ATPSCKMT: variants seen among roughly 807,000 people sequenced by gnomAD.
The protein encoded by ATPSCKMT is ATP synthase c subunit lysine N-methyltransferase.
In ATPSCKMT, 24 loss-of-function variants were observed where a neutral mutation model predicts 24.3. The ratio of observed to expected loss-of-function variants is 0.99; its 90% confidence interval spans 0.71 to 1.39. The LOEUF (loss-of-function observed/expected upper bound fraction) is 1.39, where lower values mean the gene tolerates loss of function less well. Ranked by LOEUF, ATPSCKMT falls within the 40% of genes most tolerant of loss-of-function variation. ATPSCKMT has a pLI of 0.00. For synonymous variants in ATPSCKMT, 95 were observed against 110.5 expected, an observed-to-expected ratio of 0.86 and a Z score of 0.88; for missense variants, 311 against 298.4, an observed-to-expected ratio of 1.04 and a Z score of -0.31.
At chr5:10,237,693 TGTAAACTGCCCAGTCTCAGG>T in intron 2 of ATPSCKMT, among the ~76,000 whole-genome samples, 2 of 152,184 alleles carry the variant, frequency 1.3e-5, no homozygotes, top group African/African-American at 4.8e-5. Flanking sequence ...CTCTTTCTTT[TGTAAACTGCCCAGTCTCAGG>T]TATGTCTTTA....
chr5:10,239,054 T>C lies in ATPSCKMT; in HGVS notation c.306+13A>G, dbSNP rs1362493674. The stretch of plus-strand genomic sequence containing the variant: ...TCTGGTTTCAAACCTTAAAATGTTT[T>C]AGCAGAACTCACAATGCGTCCGTCC... On this transcript the variant is annotated intron_variant, in intron 2 of 4. Coordinates refer to ENST00000511437, the MANE Select transcript of ATPSCKMT (RefSeq NM_199133.4). The C allele has an allele frequency of 1.9e-6, 3 of 1,608,240 alleles. No homozygotes were observed. The highest frequency in any genetic ancestry group is 1.1e-5 in the South Asian group (1 of 90,394).
chr5:10,238,243 G>C (rs539033274), intron 2 of ATPSCKMT, among the ~76,000 whole-genome samples: 1 of 152,134 alleles, frequency 6.6e-6, no homozygotes, highest in Non-Finnish European at 1.5e-5. Context: ...GGTTAAGATG[G>C]TAAACACTAC....
intron 1 of ATPSCKMT, among the ~76,000 whole-genome samples, chr5:10,240,788 G>A (rs1170827822): frequency 6.6e-6 from 1 of 152,100 alleles, no homozygotes; most frequent in Admixed American, 6.5e-5. Flanking sequence ...CAGAGGTTGA[G>A]AGTTTGAGAC....
chr5:10,246,286 T>C (rs773208912), intron 1 of ATPSCKMT, among the ~76,000 whole-genome samples: 1 of 151,920 alleles, frequency 6.6e-6, no homozygotes. Context: ...AAAAAAAAAT[T>C]AGCCAGGCAT....
intron 4 of ATPSCKMT, 80 bp from the exon 5 acceptor site, chr5:10,227,727 C>G (rs946705230): frequency 4.6e-6 from 6 of 1,298,858 alleles, no homozygotes; most frequent in Middle Eastern, 2.3e-4. Flanking sequence ...TTTAAGAGTC[C>G]CTGAAAATAC....
chr5:10,235,181 C>T (rs376781776), intron 4 of ATPSCKMT, 30 bp downstream of exon 4: 1 of 1,611,718 alleles, frequency 6.2e-7, no homozygotes, highest in African/African-American at 1.3e-5. Context: ...CATCTAACCC[C>T]AAACAGAGAG....
intron 1 of ATPSCKMT, 186 bp downstream of exon 1, chr5:10,249,672 A>T: frequency 3.2e-6 from 3 of 946,598 alleles, no homozygotes; most frequent in Non-Finnish European, 4.5e-6. Flanking sequence ...AAGGATCGCC[A>T]GAACCGGCGC....
rs543003689 is a variant in ATPSCKMT at position 10,237,343 on chromosome 5, C to T, written c.307-728G>A. Among the ~76,000 whole-genome samples, 28 of 152,310 alleles carry T rather than the reference C, an allele frequency of 1.8e-4. 1 individual carries two copies. In the South Asian group the frequency reaches 5.2e-3, roughly 28 times the overall value. ...AGAAACCACAGATACTCTTCAAATACGTAAAGCATTCAAATATGAATTTCA... is the reference window on the plus strand; with the variant it reads ...AGAAACCACAGATACTCTTCAAATATGTAAAGCATTCAAATATGAATTTCA... On this transcript the variant is annotated intron_variant, in intron 2 of 4. Coordinates refer to ENST00000511437, the MANE Select transcript of ATPSCKMT (RefSeq NM_199133.4).
At chr5:10,237,430 G>C (rs1744423731) in intron 2 of ATPSCKMT, among the ~76,000 whole-genome samples, 1 of 152,178 alleles carries the variant, frequency 6.6e-6, no homozygotes, top group African/African-American at 2.4e-5. Context: ...ATCTCATCTT[G>C]AATTCCCATG....
chr5:10,226,931 G>A lies in ATPSCKMT; in HGVS notation c.*510C>T, dbSNP rs545933173. On this transcript the variant is annotated 3_prime_UTR_variant, in exon 5 of 5. Transcript: ENST00000511437. ...AGATTCCATAAAATACAGTAATCTA[G>A]TGGTGGAACAAATTATTTCTAATAA... The A allele has an allele frequency of 3.9e-4, 62 of 159,618 alleles. No individual in the cohort carries two copies. Among genetic ancestry groups the A allele is most frequent in the Admixed American group, 2.9e-3 (49 of 16,728 alleles). The allele number at this position is 159,618 out of a possible 1,614,324, so 9.9% of individuals were successfully genotyped here.
intron 1 of ATPSCKMT, among the ~76,000 whole-genome samples, chr5:10,245,267 A>C (rs1179429846): frequency 6.6e-6 from 1 of 151,802 alleles, no homozygotes; most frequent in East Asian, 1.9e-4. Flanking sequence ...AAAAATCAAA[A>C]AAATTAGCCG....
At chr5:10,229,324 GA>G (rs1561024956) in intron 4 of ATPSCKMT, among the ~76,000 whole-genome samples, 4 of 152,142 alleles carry the variant, frequency 2.6e-5, no homozygotes, top group African/African-American at 7.2e-5. Context: ...TCAGTTATCG[GA>G]CCGAGTGGCC....
intron 3 of ATPSCKMT, 55 bp from the exon 4 acceptor site, chr5:10,235,316 GCTTAA>G: frequency 6.7e-7 from 1 of 1,492,262 alleles, no homozygotes. Flanking sequence ...CAAACGTGAA[GCTTAA>G]CTTGTTTTAC....
chr5:10,239,216 C>T lies in ATPSCKMT; in HGVS notation c.157G>A (p.Ala53Thr), dbSNP rs373109098. The T allele has an allele frequency of 5.6e-6, 9 of 1,614,214 alleles. No individual in the cohort carries two copies. Among genetic ancestry groups the T allele is most frequent in the African/African-American group, 4.0e-5 (3 of 75,044 alleles). Residue 53 changes from alanine to threonine, a missense_variant, in exon 2 of 5, where the codon GCT becomes ACT. Transcript: ENST00000511437. ...GGCGTTACAAACGGCGTGGCTACAG[C>T]GTACACAGCCACCAGGGTGCCACCC... ...LVGGTLVAVY[A>T]VATPFVTPAL...
At position 10,239,272 on chromosome 5, in the gene ATPSCKMT, C is replaced by G. The variant is rs751969856; in HGVS notation, c.101G>C (p.Ser34Thr). ...ASFEVNSLQK[S>T]NWGFLLTGLV... ...CCCAGTAAGTAAGAACCCCCAGTTG[C>G]TTTTCTGCAAACTGTTGACTTCAAA... The change falls in exon 2 of 5, where the codon AGC becomes ACC. Residue 34 changes from serine to threonine, a missense_variant. Ser to Thr is a moderately conservative substitution (Grantham distance 58). Transcript: ENST00000511437. 29 of 1,614,204 alleles carry G rather than the reference C, an allele frequency of 1.8e-5. No homozygotes were observed. In the South Asian group the frequency reaches 3.2e-4, roughly 18 times the overall value.
intron 2 of ATPSCKMT, 48 bp downstream of exon 2, chr5:10,239,019 A>G (rs1193140345): frequency 6.3e-6 from 10 of 1,576,238 alleles, no homozygotes; most frequent in Non-Finnish European, 7.7e-6. Context: ...GTAAAGCAGA[A>G]ATTTTAAGTT....
At chr5:10,229,187 A>G (rs755106687) in intron 4 of ATPSCKMT, among the ~76,000 whole-genome samples, 44 of 152,214 alleles carry the variant, frequency 2.9e-4, no homozygotes, top group Non-Finnish European at 3.4e-4. Context: ...AATGTTCTGT[A>G]TAACATTTCC....
chr5:10,239,585 C>G (rs1311852830), intron 1 of ATPSCKMT, among the ~76,000 whole-genome samples: 1 of 152,122 alleles, frequency 6.6e-6, no homozygotes, highest in Non-Finnish European at 1.5e-5. Context: ...TCTTTTCTTT[C>G]CAAAGTACTG....
chr5:10,245,362 G>A (rs1361743274), intron 1 of ATPSCKMT, among the ~76,000 whole-genome samples: 1 of 152,188 alleles, frequency 6.6e-6, no homozygotes, highest in African/African-American at 2.4e-5. Flanking sequence ...GGAGTTTGCA[G>A]TGATCCGAGA....
Sources: gnomAD v4.1 joint callset for allele counts (sites outside exome capture counted in the v4.1 genomes callset) on GRCh38, gnomAD v4.1.1 for gene constraint, MANE v1.5 for transcripts, NCBI Gene and HGNC (gene_info 2026-07-23, HGNC 2026-07-21) for gene names.